The following OTUD7A variants were observed in gnomAD, a reference collection of about 807,000 sequenced individuals.
OTUD7A encodes OTU deubiquitinase 7A.
OTUD7A carries 12 observed loss-of-function variants against 65.7 expected under a neutral mutation model. The observed-to-expected ratio is 0.18, with a 90% CI of 0.12 to 0.30. OTUD7A has a LOEUF of 0.30. OTUD7A is among the 10% of genes least tolerant of loss of function. OTUD7A has a pLI of 1.00. For synonymous variants in OTUD7A, 641 were observed against 586.3 expected (o/e 1.09, Z -1.35); for missense variants, 1,148 against 1,304.8 (o/e 0.88, Z 1.85).
intron 1 of OTUD7A, among the ~76,000 whole-genome samples, chr15:31,761,542 G>A (rs953235050): frequency 5.9e-5 from 9 of 152,232 alleles, no homozygotes; most frequent in African/African-American, 2.2e-4. Flanking sequence ...ACAAAGATGT[G>A]GAGAAACTGG....
rs78637711 is a variant in OTUD7A at position 31,785,691 on chromosome 15, G to A, written c.-100+84816C>T. On this transcript the variant is annotated intron_variant, in intron 1 of 12. Transcript: ENST00000307050. ...CTGCTGTACCCCAACCAGTGCAGCA[G>A]GCATGTGACTTGGGTCTGTTTGCAA... 2.6e-5 allele frequency among the ~76,000 whole-genome samples: 4 copies of A among 152,342 alleles called. No homozygotes were observed. In the East Asian group the frequency reaches 5.8e-4, roughly 22 times the overall value.
chr15:31,736,556 A>T (rs1280752764), intron 1 of OTUD7A, among the ~76,000 whole-genome samples: 3 of 152,296 alleles, frequency 2.0e-5, no homozygotes, highest in Middle Eastern at 3.4e-3. Flanking sequence ...GAGGGAGTGT[A>T]CGCCTCACAC....
intron 1 of OTUD7A, among the ~76,000 whole-genome samples, chr15:31,663,634 A>G (rs1284733092): frequency 1.3e-5 from 2 of 152,148 alleles, no homozygotes; most frequent in African/African-American, 2.4e-5. Context: ...TTATGGCTGC[A>G]TAGTATTCCA....
intron 5 of OTUD7A, among the ~76,000 whole-genome samples, chr15:31,548,100 G>A (rs770803240): frequency 2.0e-5 from 3 of 152,160 alleles, no homozygotes; most frequent in Non-Finnish European, 2.9e-5. Context: ...AACTTCATTT[G>A]ATTTTCTTCC....
chr15:31,860,268 A>G (rs1897683973), intron 1 of OTUD7A, among the ~76,000 whole-genome samples: 1 of 152,182 alleles, frequency 6.6e-6, no homozygotes, highest in Non-Finnish European at 1.5e-5. Context: ...TTTGCAACCC[A>G]AGTAAACACA....
At chr15:31,554,751 C>T (rs944088218) in intron 5 of OTUD7A, among the ~76,000 whole-genome samples, 1 of 152,200 alleles carries the variant, frequency 6.6e-6, no homozygotes, top group African/African-American at 2.4e-5. Flanking sequence ...TACTTCCCAA[C>T]CCAGAGACCC....
At chr15:31,652,325 T>C (rs1261624157) in intron 3 of OTUD7A, among the ~76,000 whole-genome samples, 1 of 152,184 alleles carries the variant, frequency 6.6e-6, no homozygotes, top group Non-Finnish European at 1.5e-5. Context: ...ATCTCACATA[T>C]TATACAAAAA....
intron 1 of OTUD7A, among the ~76,000 whole-genome samples, chr15:31,658,856 C>G (rs1288716247): frequency 1.3e-5 from 2 of 149,294 alleles, no homozygotes; most frequent in African/African-American, 2.5e-5. Context: ...GGTGAAACCC[C>G]GTCTCTACTA....
intron 1 of OTUD7A, among the ~76,000 whole-genome samples, chr15:31,661,201 T>C (rs145282096): frequency 6.6e-6 from 1 of 152,368 alleles, no homozygotes; most frequent in East Asian, 1.9e-4. Flanking sequence ...GAAAAGTCTC[T>C]CCTAAAATGT....
chr15:31,483,971 C>T lies in OTUD7A; in HGVS notation c.2125G>A (p.Gly709Ser), dbSNP rs1261739422. 5.3e-6 allele frequency: 6 copies of T among 1,142,774 alleles called. No homozygotes were observed. The highest frequency in any genetic ancestry group is 3.9e-5 in the Admixed American group (1 of 25,534). 70.8% of individuals were successfully genotyped at this position (1,142,774 alleles called of 1,614,324 possible). A position where few individuals can be genotyped will look rare whatever the true frequency, so the allele number is the denominator to read the frequency against. ...KRPPRRPETE[G>S]VPVPERASPG... ...GAGGCGCGCTCCGGGACCGGCACGCCCTCCGTCTCCGGTCTGCGCGGCGGC... is the reference window on the plus strand; with the variant it reads ...GAGGCGCGCTCCGGGACCGGCACGCTCTCCGTCTCCGGTCTGCGCGGCGGC... Residue 709 changes from glycine (G) to serine (S), a missense_variant, in exon 13 of 13, where the codon GGC becomes AGC. Gly to Ser is a moderately conservative substitution (Grantham distance 56). Transcript: ENST00000307050.
intron 1 of OTUD7A, among the ~76,000 whole-genome samples, chr15:31,681,414 C>T (rs1250007516): frequency 6.6e-6 from 1 of 152,064 alleles, no homozygotes; most frequent in African/African-American, 2.4e-5. Flanking sequence ...ATATGACCAC[C>T]TGTCTGTCTC....
chr15:31,534,860 C>T (rs1055576239), intron 5 of OTUD7A, among the ~76,000 whole-genome samples: 5 of 152,072 alleles, frequency 3.3e-5, no homozygotes, highest in African/African-American at 1.2e-4. Context: ...AAGAAGTTGG[C>T]CCTCCATATA....
At chr15:31,732,442 T>A (rs573154793) in intron 1 of OTUD7A, among the ~76,000 whole-genome samples, 1 of 152,332 alleles carries the variant, frequency 6.6e-6, no homozygotes, top group South Asian at 2.1e-4. Context: ...TTCATATTTA[T>A]ATCAAGGAGA....
At chr15:31,704,121 C>T (rs987360558) in intron 1 of OTUD7A, among the ~76,000 whole-genome samples, 2 of 123,092 alleles carry the variant, frequency 1.6e-5, no homozygotes, top group African/African-American at 5.6e-5. Flanking sequence ...TGGAAATGTT[C>T]TACATATTGA....
chr15:31,767,137 G>T, intron 1 of OTUD7A: 1 of 1,488,806 alleles, frequency 6.7e-7, no homozygotes, highest in Non-Finnish European at 9.3e-7. Context: ...TCTCTACGAA[G>T]CAGACTGAGA....
At chr15:31,701,509 T>A (rs4106079) in intron 1 of OTUD7A, among the ~76,000 whole-genome samples, 13 of 152,034 alleles carry the variant, frequency 8.6e-5, no homozygotes, top group African/African-American at 1.7e-4. Context: ...AAGGATAATA[T>A]GGTAATATTA....
At chr15:31,654,652 T>G (rs1024118618) in intron 3 of OTUD7A, among the ~76,000 whole-genome samples, 13 of 152,224 alleles carry the variant, frequency 8.5e-5, no homozygotes, top group Non-Finnish European at 1.8e-4. Context: ...TCACTATGGT[T>G]ATGGCTGAAT....
chr15:31,631,211 T>C (rs1032157248), intron 3 of OTUD7A, among the ~76,000 whole-genome samples: 10 of 152,250 alleles, frequency 6.6e-5, no homozygotes, highest in Admixed American at 2.6e-4. Flanking sequence ...TGGCATGTTT[T>C]TGCAGTGGCT....
rs112295975 is a variant in OTUD7A, at chr15:31,803,123, C to A, written c.-100+67384G>T. Among the ~76,000 whole-genome samples the A allele has an allele frequency of 4.1e-3, 626 of 152,218 alleles. 3 individuals carry two copies. The highest frequency in any genetic ancestry group is 0.014 in the African/African-American group (599 of 41,530). ...TAACACAGTTGAAAACCACTAAATC[C>A]ACATAACCAATAATCATGCCCCAGA... On this transcript the variant is annotated intron_variant, in intron 1 of 12. Transcript: ENST00000307050.
Sources: gnomAD v4.1 joint callset for allele counts (sites outside exome capture counted in the v4.1 genomes callset) on GRCh38, gnomAD v4.1.1 for gene constraint, MANE v1.5 for transcripts, NCBI Gene and HGNC (gene_info 2026-07-23, HGNC 2026-07-21) for gene names.